The following RBFOX3 variants were observed in gnomAD, a reference collection of about 807,000 sequenced individuals.
RBFOX3 encodes RNA binding fox-1 homolog 3, also known as RNA binding protein fox-1 homolog 3.
RBFOX3 carries 17 observed loss-of-function variants against 48.7 expected under a neutral mutation model. That is an observed-to-expected ratio of 0.35 (90% CI 0.24 to 0.52). The LOEUF is 0.52. Ranked by LOEUF, RBFOX3 falls within the 20% of genes least tolerant of loss-of-function variation. The pLI is 0.94. For synonymous variants in RBFOX3, 212 were observed against 209.5 expected (o/e 1.01, Z -0.10); for missense variants, 382 against 497.5 (o/e 0.77, Z 2.21).
At chr17:79,358,799 G>C (rs2085730642) in intron 2 of RBFOX3, among the ~76,000 whole-genome samples, 1 of 152,212 alleles carries the variant, frequency 6.6e-6, no homozygotes, top group Admixed American at 6.5e-5. Context: ...CACAGGCAGT[G>C]TTTCCAACAC....
At chr17:79,610,358 G>A (rs2093943607) in intron 1 of RBFOX3, among the ~76,000 whole-genome samples, 1 of 151,740 alleles carries the variant, frequency 6.6e-6, no homozygotes, top group Admixed American at 6.5e-5. Flanking sequence ...CTGCCTGCTC[G>A]GACGCGCCCC....
intron 1 of RBFOX3, among the ~76,000 whole-genome samples, chr17:79,567,718 T>C (rs1249895213): frequency 6.6e-6 from 1 of 152,286 alleles, no homozygotes; most frequent in East Asian, 1.9e-4. Context: ...CTTAGGGCTG[T>C]CGTAAGGATT....
intron 4 of RBFOX3, among the ~76,000 whole-genome samples, chr17:79,147,981 C>G (rs2043400709): frequency 6.6e-6 from 1 of 152,236 alleles, no homozygotes; most frequent in South Asian, 2.1e-4. Flanking sequence ...CAAAATGCTG[C>G]ACCATCCATC....
At chr17:79,538,418 C>T (rs1027715942) in intron 1 of RBFOX3, among the ~76,000 whole-genome samples, 1 of 152,228 alleles carries the variant, frequency 6.6e-6, no homozygotes, top group Non-Finnish European at 1.5e-5. Flanking sequence ...CATGAGGCAC[C>T]GCCCTGGAGT....
At chr17:79,411,317 A>T (rs1452714243) in intron 2 of RBFOX3, among the ~76,000 whole-genome samples, 1 of 152,122 alleles carries the variant, frequency 6.6e-6, no homozygotes. Flanking sequence ...GCTCACACCA[A>T]ATGCAAAAAC....
intron 1 of RBFOX3, among the ~76,000 whole-genome samples, chr17:79,483,167 T>A (rs1467430998): frequency 1.3e-5 from 2 of 152,060 alleles, no homozygotes; most frequent in Non-Finnish European, 2.9e-5. Flanking sequence ...CAGGTGAATC[T>A]GGCTTCTGTG....
At chr17:79,449,936 A>G (rs1361418994) in intron 2 of RBFOX3, among the ~76,000 whole-genome samples, 2 of 152,184 alleles carry the variant, frequency 1.3e-5, no homozygotes, top group Non-Finnish European at 2.9e-5. Flanking sequence ...TTAATCACTC[A>G]TTAGGCTAAT....
At chr17:79,191,927 G>C (rs985288828) in intron 4 of RBFOX3, among the ~76,000 whole-genome samples, 1 of 152,162 alleles carries the variant, frequency 6.6e-6, no homozygotes, top group African/African-American at 2.4e-5. Flanking sequence ...GTGAATTGCT[G>C]CCCGGTGAGC....
intron 8 of RBFOX3, among the ~76,000 whole-genome samples, chr17:79,101,982 T>A (rs1436458872): frequency 1.3e-5 from 2 of 152,138 alleles, no homozygotes; most frequent in Non-Finnish European, 2.9e-5. Flanking sequence ...CAGAACCAGC[T>A]AAGAGGCTGG....
intron 4 of RBFOX3, among the ~76,000 whole-genome samples, chr17:79,125,122 G>A (rs1420994705): frequency 6.6e-6 from 1 of 152,220 alleles, no homozygotes; most frequent in African/African-American, 2.4e-5. Context: ...GAATGAGCGA[G>A]CCACCTGCTG....
intron 4 of RBFOX3, among the ~76,000 whole-genome samples, chr17:79,224,244 C>A (rs917491222): frequency 6.6e-6 from 1 of 152,166 alleles, no homozygotes; most frequent in Non-Finnish European, 1.5e-5. Flanking sequence ...ATCCAGGCAG[C>A]CCACCCGATG....
At chr17:79,650,208 C>T in the RBFOX3 span, among the ~76,000 whole-genome samples, 5 of 152,198 alleles carry the variant, frequency 3.3e-5, no homozygotes, top group Middle Eastern at 3.4e-3. Flanking sequence ...TGGGGGGATT[C>T]GATTTTTCCA....
At chr17:79,661,984 T>C in the RBFOX3 span, among the ~76,000 whole-genome samples, 3 of 152,172 alleles carry the variant, frequency 2.0e-5, no homozygotes, top group South Asian at 6.2e-4. Context: ...ATTGCTCTTA[T>C]TCTTAATATA....
intron 4 of RBFOX3, among the ~76,000 whole-genome samples, chr17:79,213,640 G>A (rs974071548): frequency 6.6e-6 from 1 of 152,162 alleles, no homozygotes; most frequent in Non-Finnish European, 1.5e-5. Flanking sequence ...CATCTTGGAT[G>A]TCCTGAGCCT....
At chr17:79,580,963 T>C (rs903081635) in intron 1 of RBFOX3, among the ~76,000 whole-genome samples, 14 of 152,218 alleles carry the variant, frequency 9.2e-5, no homozygotes, top group African/African-American at 3.1e-4. Flanking sequence ...AAAACACCAG[T>C]GCGGCCAGGT....
intron 4 of RBFOX3, among the ~76,000 whole-genome samples, chr17:79,192,313 TG>T (rs769121190): frequency 6.6e-6 from 1 of 152,108 alleles, no homozygotes; most frequent in South Asian, 2.1e-4. Context: ...TGCATCAGGA[TG>T]GGGGGGAGCC....
chr17:79,095,344 C>T (rs747545195), intron 13 of RBFOX3, among the ~76,000 whole-genome samples, 169 bp downstream of exon 13: 1 of 152,150 alleles, frequency 6.6e-6, no homozygotes, highest in African/African-American at 2.4e-5. Context: ...AAGTCAGGGG[C>T]TCACTGGCTC....
At chr17:79,594,548 C>T (rs939304006) in intron 1 of RBFOX3, among the ~76,000 whole-genome samples, 4 of 152,170 alleles carry the variant, frequency 2.6e-5, no homozygotes, top group South Asian at 4.1e-4. Flanking sequence ...CCGGCCCCTG[C>T]GCAGGGAGGA....
intron 1 of RBFOX3, among the ~76,000 whole-genome samples, chr17:79,493,750 C>T (rs2081038357): frequency 6.6e-6 from 1 of 152,144 alleles, no homozygotes; most frequent in African/African-American, 2.4e-5. Context: ...ATCCTAGTTT[C>T]TCTATATTTG....
Sources: allele counts gnomAD v4.1 joint callset (sites outside exome capture counted in the v4.1 genomes callset), GRCh38; gene constraint gnomAD v4.1.1; transcripts MANE v1.5; gene names NCBI Gene and HGNC (gene_info 2026-07-23, HGNC 2026-07-21).